The following KIF1B variants were observed in gnomAD, a reference collection of about 807,000 sequenced individuals.
KIF1B encodes the protein kinesin-like protein KIF1B.
Under a neutral mutation model 241.9 loss-of-function variants are expected in KIF1B, and 76 were observed. The observed-to-expected ratio is 0.31, with a 90% CI of 0.26 to 0.38. The LOEUF (loss-of-function observed/expected upper bound fraction) is 0.38. Ranked by LOEUF, KIF1B falls within the 10% of genes least tolerant of loss-of-function variation. The pLI, the probability that KIF1B is intolerant of heterozygous loss-of-function variation, is 1.00. For missense variants in KIF1B, 1,622 were observed against 2,271.4 expected, an observed-to-expected ratio of 0.71 and a Z score of 5.81; for synonymous variants, 750 against 796.7, an observed-to-expected ratio of 0.94 and a Z score of 0.99.
intron 4 of KIF1B, among the ~76,000 whole-genome samples, chr1:10,259,447 T>C (rs116132218): frequency 0.019 from 2,797 of 151,050 alleles, 37 homozygotes; most frequent in Non-Finnish European, 0.028. Flanking sequence ...CCAGAGTAGC[T>C]GGGACTAAAG....
At chr1:10,288,992 G>A (rs887521513) in intron 15 of KIF1B, among the ~76,000 whole-genome samples, 6 of 152,286 alleles carry the variant, frequency 3.9e-5, no homozygotes, top group Admixed American at 3.3e-4. Flanking sequence ...GGCTTCGTTA[G>A]TAACCTGTTA....
Position 10,381,192 on chromosome 1 carries a change from A to G in KIF1B, c.*4605A>G. The stretch of plus-strand genomic sequence containing the variant: ...GGAGTCCCTCAGCCTTCTTGTATTT[A>G]AGGCATCGTCTTAGACTTTGTGGCT... On this transcript the variant is annotated 3_prime_UTR_variant, in exon 49 of 49. Coordinates refer to ENST00000676179, the MANE Select transcript of KIF1B (RefSeq NM_001365951.3). 4.6e-6 allele frequency: 1 copy of G among 219,536 alleles called. No homozygotes were observed. The highest frequency in any genetic ancestry group is 6.8e-5 in the East Asian group (1 of 14,808). 13.6% of individuals were successfully genotyped at this position (219,536 alleles called of 1,614,324 possible).
chr1:10,241,384 A>G (rs1647134920), intron 2 of KIF1B, among the ~76,000 whole-genome samples: 1 of 152,156 alleles, frequency 6.6e-6, no homozygotes, highest in Non-Finnish European at 1.5e-5. Flanking sequence ...GATTACACGC[A>G]TGAGCCACCA....
chr1:10,313,508 G>A (rs1651157090), intron 22 of KIF1B, among the ~76,000 whole-genome samples: 1 of 150,564 alleles, frequency 6.6e-6, no homozygotes, highest in Admixed American at 6.6e-5. Flanking sequence ...AGCCAGTGCT[G>A]TGCCTTTATA....
chr1:10,308,498 T>C, intron 22 of KIF1B: 10 of 1,032,194 alleles, frequency 9.7e-6, no homozygotes, highest in Non-Finnish European at 1.2e-5. Context: ...GCTTGAAGAT[T>C]GTCTTTGAGT....
chr1:10,255,134 A>G (rs1398299485), intron 2 of KIF1B, among the ~76,000 whole-genome samples: 1 of 151,900 alleles, frequency 6.6e-6, no homozygotes, highest in East Asian at 2.0e-4. Flanking sequence ...TTTTTGGTAG[A>G]GATGGGGTTT....
At chr1:10,373,624 C>G (rs544853962) in intron 45 of KIF1B, among the ~76,000 whole-genome samples, 5 of 152,198 alleles carry the variant, frequency 3.3e-5, no homozygotes, top group Admixed American at 2.6e-4. Flanking sequence ...CTATGTTACT[C>G]TACAAAGATA....
rs770712102 is a variant in KIF1B at position 10,365,154 on chromosome 1, G to C, written c.4421G>C (p.Gly1474Ala). 6.2e-7 allele frequency: 1 copy of C among 1,614,098 alleles called. No individual in the cohort carries two copies. Among genetic ancestry groups the C allele is most frequent in the Admixed American group, 1.7e-5 (1 of 60,002 alleles). The change falls in exon 42 of 49, where the codon GGA (glycine) becomes GCA (alanine). Residue 1474 changes from glycine (G) to alanine (A), a missense_variant. Physicochemically the swap from Gly to Ala is moderately conservative, Grantham distance 60. This residue lies in a region of KIF1B where 803 missense variants were observed against 1,112.0 expected (regional missense o/e 0.72). Coordinates refer to ENST00000676179, the MANE Select transcript of KIF1B (RefSeq NM_001365951.3). This position sits in a 1 kb window ranked among gnomAD's most constrained non-coding sequence, Gnocchi z 4.0. ...GATACGTCAGTGGCATATGTGCGGG[G>C]AGAAGAGAACTTAGCAGGCTGGCGG... ...ILDTSVAYVR[G>A]EENLAGWRPR...
intron 16 of KIF1B, among the ~76,000 whole-genome samples, chr1:10,291,496 G>A (rs779326809): frequency 6.6e-6 from 1 of 152,112 alleles, no homozygotes; most frequent in Non-Finnish European, 1.5e-5. Context: ...AGATCACGAG[G>A]TCGGGAGATC....
intron 1 of KIF1B, among the ~76,000 whole-genome samples, chr1:10,224,961 G>C (rs1646891987): frequency 1.3e-5 from 2 of 152,140 alleles, no homozygotes; most frequent in Non-Finnish European, 2.9e-5. Flanking sequence ...TCAGGCATTA[G>C]ATTCTCATAA....
At chr1:10,316,033 G>A (rs181642103) in intron 22 of KIF1B, among the ~76,000 whole-genome samples, 113 of 145,780 alleles carry the variant, frequency 7.8e-4, no homozygotes, top group Non-Finnish European at 1.4e-3. Flanking sequence ...TCCAGCCTGG[G>A]TGACAGAGCA....
chr1:10,370,687 A>C (rs1396185346), intron 44 of KIF1B, among the ~76,000 whole-genome samples: 1 of 151,580 alleles, frequency 6.6e-6, no homozygotes, highest in Non-Finnish European at 1.5e-5. Context: ...AATAATAATA[A>C]TGCAGGAGGG....
chr1:10,227,031 TC>T lies in KIF1B; in HGVS notation c.-79-5218del, dbSNP rs1646917574. Reference sequence around the variant, plus strand: ...TTGGTTGATAAATAACGCAAGTCTCTCTTTTTTTTTTTTTTTTTTTTTTGAG... The same window carrying T: ...TTGGTTGATAAATAACGCAAGTCTCTTTTTTTTTTTTTTTTTTTTTTTGAG... On this transcript the variant is annotated intron_variant, in intron 1 of 48. Coordinates refer to ENST00000676179, the MANE Select transcript of KIF1B (RefSeq NM_001365951.3). 5.9e-5 allele frequency among the ~76,000 whole-genome samples: 7 copies of T among 119,592 alleles called. No individual in the cohort carries two copies. In the South Asian group the frequency reaches 1.8e-3, roughly 31 times the overall value. The allele number at this position is 119,592 out of a possible 152,430, so 78.5% of individuals were successfully genotyped here.
chr1:10,322,518 A>G (rs1366360839), intron 24 of KIF1B, among the ~76,000 whole-genome samples: 4 of 152,204 alleles, frequency 2.6e-5, no homozygotes, highest in African/African-American at 9.7e-5. Flanking sequence ...CTTCACACCA[A>G]ACCTTAGATT....
intron 10 of KIF1B, among the ~76,000 whole-genome samples, chr1:10,273,688 AC>A (rs1375581543): frequency 9.4e-6 from 1 of 106,142 alleles, no homozygotes; most frequent in Non-Finnish European, 1.8e-5. Flanking sequence ...TTTCTTGCCT[AC>A]TCCCTTTCCT....
intron 33 of KIF1B, 63 bp from the exon 34 acceptor site, chr1:10,343,169 G>C: frequency 6.5e-7 from 1 of 1,546,562 alleles, no homozygotes; most frequent in Non-Finnish European, 8.9e-7. Flanking sequence ...CCAGCACAAA[G>C]GGGAGAATTT....
intron 2 of KIF1B, among the ~76,000 whole-genome samples, chr1:10,244,130 G>A (rs977256103): frequency 3.3e-5 from 5 of 152,042 alleles, no homozygotes; most frequent in African/African-American, 1.2e-4. Context: ...TAAATTTGTT[G>A]TAAATGATTA....
chr1:10,320,648 CA>C (rs1651483888), intron 23 of KIF1B, among the ~76,000 whole-genome samples: 1 of 152,206 alleles, frequency 6.6e-6, no homozygotes. Context: ...TTTTTCTACC[CA>C]ACCTCTTGGC....
At position 10,342,089 on chromosome 1, in the gene KIF1B, A is replaced by C; in HGVS notation, c.3553A>C (p.Lys1185Gln). 6.2e-7 allele frequency: 1 copy of C among 1,613,692 alleles called. No individual in the cohort carries two copies. Among genetic ancestry groups the C allele is most frequent in the Non-Finnish European group, 8.5e-7 (1 of 1,179,530 alleles). The change falls in exon 33 of 49, where the codon AAA becomes CAA. Residue 1185 changes from lysine to glutamine, a missense_variant. Transcript: ENST00000676179. ...CACTGAATCATTTGTGGATTACATC[A>C]AAACCAAGCCTATTGTATTTGAAGT... ...EITESFVDYI[K>Q]TKPIVFEVFG...
Sources: allele counts gnomAD v4.1 joint callset (sites outside exome capture counted in the v4.1 genomes callset), GRCh38; gene constraint gnomAD v4.1.1; regional missense constraint gnomAD v4.1.1; non-coding constraint Gnocchi (gnomAD v3.1); transcripts MANE v1.5; gene names NCBI Gene and HGNC (gene_info 2026-07-23, HGNC 2026-07-21).